OR51A4: variants seen among roughly 807,000 people sequenced by gnomAD.
OR51A4 encodes olfactory receptor family 51 subfamily A member 4.
For missense variants in OR51A4, 243 were observed against 364.0 expected (o/e 0.67, Z 2.70); for synonymous variants, 96 against 141.5 (o/e 0.68, Z 2.28).
Position 4,943,782 on chromosome 11 carries a change from C to T in OR51A4, c.*2377G>A, listed in dbSNP as rs1227147026. 1 of 407,844 alleles carries T rather than the reference C, an allele frequency of 2.5e-6. No individual in the cohort carries two copies. Among genetic ancestry groups the T allele is most frequent in the East Asian group, 7.2e-5 (1 of 13,880 alleles). 25.3% of individuals were successfully genotyped at this position (407,844 alleles called of 1,614,324 possible). On this transcript the variant is annotated 3_prime_UTR_variant, in exon 2 of 2. Coordinates refer to ENST00000641898, the MANE Select transcript of OR51A4 (RefSeq NM_001005329.2). ...TCAGAAATATGTGAAAATCATTATG[C>T]TGACCATAAATCTTCACCTCCCCCA... is the stretch of plus-strand genomic sequence containing the variant.
Position 4,946,078 on chromosome 11 carries a change from C to A in OR51A4, c.*81G>T. ...ACAACAAAAATATGTGTTGATAATTCTTGGTGTCAAATATTAGGTTTCTCA... is the reference window on the plus strand; with the variant it reads ...ACAACAAAAATATGTGTTGATAATTATTGGTGTCAAATATTAGGTTTCTCA... On this transcript the variant is annotated 3_prime_UTR_variant, in exon 2 of 2. Transcript: ENST00000641898. The A allele has an allele frequency of 8.0e-7, 1 of 1,245,714 alleles. No individual in the cohort carries two copies. The highest frequency in any genetic ancestry group is 1.2e-6 in the Non-Finnish European group (1 of 864,004). The allele number at this position is 1,245,714 out of a possible 1,614,324, so 77.2% of individuals were successfully genotyped here. A position where few individuals can be genotyped will look rare whatever the true frequency, so the allele number is the denominator to read the frequency against.
Position 4,944,622 on chromosome 11 carries a change from G to T in OR51A4, c.*1537C>A, listed in dbSNP as rs553554902. ...AAGTGTAGGAGACTTGAACTGACGT[G>T]GTTGATAAAAATGACTTGATTCAAT... On this transcript the variant is annotated 3_prime_UTR_variant, in exon 2 of 2. Transcript: ENST00000641898. 3.9e-5 allele frequency: 6 copies of T among 152,132 alleles called. No homozygotes were observed. Among genetic ancestry groups the T allele is most frequent in the African/African-American group, 1.4e-4 (6 of 41,504 alleles). The allele number at this position is 152,132 out of a possible 1,614,324, so 9.4% of individuals were successfully genotyped here. A position where few individuals can be genotyped will look rare whatever the true frequency, so the allele number is the denominator to read the frequency against.
In OR51A4 at chr11:4,943,683, C is replaced by CTGCCAGT. The variant is rs1846250544; in HGVS notation, c.*2469_*2475dup. On this transcript the variant is annotated 3_prime_UTR_variant, in exon 2 of 2. Coordinates refer to ENST00000641898, the MANE Select transcript of OR51A4 (RefSeq NM_001005329.2). ...CAAATGTCTCTTGGAGGTAACATTG[C>CTGCCAGT]TGCCAGTTGAGAACCACTGTTTAAG... The CTGCCAGT allele has an allele frequency of 2.8e-6, 1 of 354,756 alleles. No individual in the cohort carries two copies. The highest frequency in any genetic ancestry group is 2.2e-5 in the South Asian group (1 of 45,284). The allele number at this position is 354,756 out of a possible 1,614,324, so 22.0% of individuals were successfully genotyped here. A position where few individuals can be genotyped will look rare whatever the true frequency, so the allele number is the denominator to read the frequency against.
At position 4,944,009 on chromosome 11, in the gene OR51A4, G is replaced by T. The variant is rs2570581; in HGVS notation, c.*2150C>A. 353,271 of 419,130 alleles carry T rather than the reference G, an allele frequency of 0.84. 149,380 individuals are homozygous for T. The highest frequency in any genetic ancestry group is 0.9 in the Admixed American group (31,417 of 34,870). The allele number at this position is 419,130 out of a possible 1,614,324, so 26.0% of individuals were successfully genotyped here. The stretch of plus-strand genomic sequence containing the variant: ...AGTCTTCATATTGGGCTGCCTATCC[G>T]CACACTGGGAGAATATGAGCTTCTA... On this transcript the variant is annotated 3_prime_UTR_variant, in exon 2 of 2. Transcript: ENST00000641898.
rs1393492297 is a variant in OR51A4 at position 4,945,448 on chromosome 11, T to G, written c.*711A>C. On this transcript the variant is annotated 3_prime_UTR_variant, in exon 2 of 2. Transcript: ENST00000641898. The stretch of plus-strand genomic sequence containing the variant: ...CATGTAGGGTCTTAGAATATGTTCC[T>G]TATTGATTTAACTGTATTTCTAACA... 1.3e-5 allele frequency: 2 copies of G among 152,762 alleles called. No homozygotes were observed. Among genetic ancestry groups the G allele is most frequent in the East Asian group, 3.9e-4 (2 of 5,192 alleles). 9.5% of individuals were successfully genotyped at this position (152,762 alleles called of 1,614,324 possible).
chr11:4,944,197 T>C lies in OR51A4; in HGVS notation c.*1962A>G. On this transcript the variant is annotated 3_prime_UTR_variant, in exon 2 of 2. Transcript: ENST00000641898. The stretch of plus-strand genomic sequence containing the variant: ...GATCTGATGATAGGATTTTCTACAC[T>C]AGGATAGGTTTGTGAAAACATACGT... 1 of 417,768 alleles carries C rather than the reference T, an allele frequency of 2.4e-6. No individual in the cohort carries two copies. Among genetic ancestry groups the C allele is most frequent in the South Asian group, 1.7e-5 (1 of 57,310 alleles). The allele number at this position is 417,768 out of a possible 1,614,324, so 25.9% of individuals were successfully genotyped here. A position where few individuals can be genotyped will look rare whatever the true frequency, so the allele number is the denominator to read the frequency against.
rs1846324694 is a variant in OR51A4, at chr11:4,947,118, C to G, written c.-18G>C. 2 of 1,251,666 alleles carry G rather than the reference C, an allele frequency of 1.6e-6. No homozygotes were observed. The highest frequency in any genetic ancestry group is 2.5e-5 in the East Asian group (1 of 40,758). 77.5% of individuals were successfully genotyped at this position (1,251,666 alleles called of 1,614,324 possible). On this transcript the variant is annotated 5_prime_UTR_variant, in exon 2 of 2. Coordinates refer to ENST00000641898, the MANE Select transcript of OR51A4 (RefSeq NM_001005329.2). ...ATGGACATGATTCATTCATAGGGCT[C>G]TGCTATGAAAAATACAGATGCTTGT...
chr11:4,946,029 A>G lies in OR51A4; in HGVS notation c.*130T>C. 4 of 829,332 alleles carry G rather than the reference A, an allele frequency of 4.8e-6. No individual in the cohort carries two copies. Among genetic ancestry groups the G allele is most frequent in the Non-Finnish European group, 7.6e-6 (4 of 523,418 alleles). The allele number at this position is 829,332 out of a possible 1,614,324, so 51.4% of individuals were successfully genotyped here. On this transcript the variant is annotated 3_prime_UTR_variant, in exon 2 of 2. Transcript: ENST00000641898. ...TTCTATTCTCATTCGCAGTATCCAGAGTGAATAAAATAACTCTATGACAAC... is the reference window on the plus strand; with the variant it reads ...TTCTATTCTCATTCGCAGTATCCAGGGTGAATAAAATAACTCTATGACAAC...
rs1456055983 is a variant in OR51A4, at chr11:4,944,111, G to A, written c.*2048C>T. ...CCAAACCCATATCTGTATTTGTAAGGTTTTGGAAAAGGTAGATAGATACAG... is the reference window on the plus strand; with the variant it reads ...CCAAACCCATATCTGTATTTGTAAGATTTTGGAAAAGGTAGATAGATACAG... On this transcript the variant is annotated 3_prime_UTR_variant, in exon 2 of 2. Coordinates refer to ENST00000641898, the MANE Select transcript of OR51A4 (RefSeq NM_001005329.2). The A allele has an allele frequency of 2.2e-6, 1 of 455,516 alleles. No homozygotes were observed. Among genetic ancestry groups the A allele is most frequent in the Non-Finnish European group, 4.4e-6 (1 of 226,454 alleles). 28.2% of individuals were successfully genotyped at this position (455,516 alleles called of 1,614,324 possible). A position where few individuals can be genotyped will look rare whatever the true frequency, so the allele number is the denominator to read the frequency against.
chr11:4,945,305 T>A lies in OR51A4; in HGVS notation c.*854A>T, dbSNP rs990274580. The A allele has an allele frequency of 6.6e-6, 1 of 152,166 alleles. No homozygotes were observed. Among genetic ancestry groups the A allele is most frequent in the African/African-American group, 2.4e-5 (1 of 41,452 alleles). The allele number at this position is 152,166 out of a possible 1,614,324, so 9.4% of individuals were successfully genotyped here. A position where few individuals can be genotyped will look rare whatever the true frequency, so the allele number is the denominator to read the frequency against. On this transcript the variant is annotated 3_prime_UTR_variant, in exon 2 of 2. Transcript: ENST00000641898. ...CAAGAGCATTTTAACAAAAGAGATC[T>A]GATGTGAAAACTCAAGAAAGCAAAG... is the stretch of plus-strand genomic sequence containing the variant.
Position 4,943,329 on chromosome 11 carries a change from T to A in OR51A4, c.*2830A>T, listed in dbSNP as rs1846244280. On this transcript the variant is annotated 3_prime_UTR_variant, in exon 2 of 2. Coordinates refer to ENST00000641898, the MANE Select transcript of OR51A4 (RefSeq NM_001005329.2). ...AATAAGTCTTTTAACATCTCTCAAGTGAAGTCTTTCAGTTTTCTCAGTTTT... is the reference window on the plus strand; with the variant it reads ...AATAAGTCTTTTAACATCTCTCAAGAGAAGTCTTTCAGTTTTCTCAGTTTT... 3 of 337,182 alleles carry A rather than the reference T, an allele frequency of 8.9e-6. No homozygotes were observed. The Admixed American group carries it at 1.1e-4, about 12-fold the overall frequency. The allele number at this position is 337,182 out of a possible 1,614,324, so 20.9% of individuals were successfully genotyped here. A position where few individuals can be genotyped will look rare whatever the true frequency, so the allele number is the denominator to read the frequency against.
Position 4,947,298 on chromosome 11 carries a change from T to C in OR51A4, c.-62-136A>G, listed in dbSNP as rs2133608106. 5 of 396,758 alleles carry C rather than the reference T, an allele frequency of 1.3e-5. 1 individual carries two copies. The South Asian group carries it at 2.2e-4, about 18-fold the overall frequency. The allele number at this position is 396,758 out of a possible 1,614,324, so 24.6% of individuals were successfully genotyped here. On this transcript the variant is annotated intron_variant, in intron 1 of 1. Coordinates refer to ENST00000641898, the MANE Select transcript of OR51A4 (RefSeq NM_001005329.2). ...TGCTGCTTTGGACTATAATCTGTCG[T>C]ATAATACATTGGAAAAATTATTTCT...
chr11:4,944,710 A>G lies in OR51A4; in HGVS notation c.*1449T>C, dbSNP rs535524869. On this transcript the variant is annotated 3_prime_UTR_variant, in exon 2 of 2. Coordinates refer to ENST00000641898, the MANE Select transcript of OR51A4 (RefSeq NM_001005329.2). ...ATATGCAAGATTTTGAGGTCATATT[A>G]GGAAGGAAAGTTGGACAATTTTTCA... 1 of 152,296 alleles carries G rather than the reference A, an allele frequency of 6.6e-6. No individual in the cohort carries two copies. Among genetic ancestry groups the G allele is most frequent in the African/African-American group, 2.4e-5 (1 of 41,570 alleles). 9.4% of individuals were successfully genotyped at this position (152,296 alleles called of 1,614,324 possible).
Position 4,943,688 on chromosome 11 carries a change from A to G in OR51A4, c.*2471T>C. ...GTCTCTTGGAGGTAACATTGCTGCC[A>G]GTTGAGAACCACTGTTTAAGGAGCC... On this transcript the variant is annotated 3_prime_UTR_variant, in exon 2 of 2. Transcript: ENST00000641898. 1 of 354,448 alleles carries G rather than the reference A, an allele frequency of 2.8e-6. No individual in the cohort carries two copies. The highest frequency in any genetic ancestry group is 2.2e-5 in the South Asian group (1 of 45,256). 22.0% of individuals were successfully genotyped at this position (354,448 alleles called of 1,614,324 possible). A position where few individuals can be genotyped will look rare whatever the true frequency, so the allele number is the denominator to read the frequency against.
Position 4,946,640 on chromosome 11 carries a change from C to A in OR51A4, c.461G>T (p.Ser154Ile), listed in dbSNP as rs549000083. 2 of 1,583,932 alleles carry A rather than the reference C, an allele frequency of 1.3e-6. No individual in the cohort carries two copies. Among genetic ancestry groups the A allele is most frequent in the African/African-American group, 2.7e-5 (2 of 72,972 alleles). ...AQIGIVFSFKSMLLVLPFPFT... is the reference protein window; with the variant it reads ...AQIGIVFSFKIMLLVLPFPFT... ...AGGGAAGGGAAGAACCAGGAGCATG[C>A]TCTTAAAGGAGAATACTATCCCTAT... Residue 154 changes from serine (S) to isoleucine (I), a missense_variant, in exon 2 of 2, where the codon AGC (serine) becomes ATC (isoleucine). Ser to Ile is a moderately radical substitution (Grantham distance 142). Coordinates refer to ENST00000641898, the MANE Select transcript of OR51A4 (RefSeq NM_001005329.2).
Position 4,947,170 on chromosome 11 carries a change from T to C in OR51A4, c.-62-8A>G, listed in dbSNP as rs1281696337. The C allele has an allele frequency of 6.7e-6, 7 of 1,051,564 alleles. 1 individual carries two copies. In the African/African-American group the frequency reaches 1.2e-4, roughly 17 times the overall value. The allele number at this position is 1,051,564 out of a possible 1,614,324, so 65.1% of individuals were successfully genotyped here. ...TTGGTAAAATAGGAATATCTGTAAA[T>C]TTAGTAGAAAAAAAGCAGTGTTAAA... On this transcript the variant is annotated splice_region_variant and splice_polypyrimidine_tract_variant and intron_variant, in intron 1 of 1. Transcript: ENST00000641898.
At position 4,943,804 on chromosome 11, in the gene OR51A4, C is replaced by A. The variant is rs752791842; in HGVS notation, c.*2355G>T. The A allele has an allele frequency of 4.7e-6, 2 of 429,358 alleles. No individual in the cohort carries two copies. Among genetic ancestry groups the A allele is most frequent in the South Asian group, 1.7e-5 (1 of 58,446 alleles). The allele number at this position is 429,358 out of a possible 1,614,324, so 26.6% of individuals were successfully genotyped here. Reference sequence around the variant, plus strand: ...ATGCTGACCATAAATCTTCACCTCCCCCATTGAGATTTATGTATCTTTATT... The same window carrying A: ...ATGCTGACCATAAATCTTCACCTCCACCATTGAGATTTATGTATCTTTATT... On this transcript the variant is annotated 3_prime_UTR_variant, in exon 2 of 2. Coordinates refer to ENST00000641898, the MANE Select transcript of OR51A4 (RefSeq NM_001005329.2).
Position 4,946,059 on chromosome 11 carries a change from A to G in OR51A4, c.*100T>C. ...ATAAAATAACTCTATGACAACAACAAAAATATGTGTTGATAATTCTTGGTG... is the reference window on the plus strand; with the variant it reads ...ATAAAATAACTCTATGACAACAACAGAAATATGTGTTGATAATTCTTGGTG... On this transcript the variant is annotated 3_prime_UTR_variant, in exon 2 of 2. Coordinates refer to ENST00000641898, the MANE Select transcript of OR51A4 (RefSeq NM_001005329.2). The G allele has an allele frequency of 8.8e-7, 1 of 1,133,780 alleles. No homozygotes were observed. The allele number at this position is 1,133,780 out of a possible 1,614,324, so 70.2% of individuals were successfully genotyped here.
Position 4,946,234 on chromosome 11 carries a change from G to T in OR51A4, c.867C>A (p.Asn289Lys), listed in dbSNP as rs199749360. 3.9e-3 allele frequency: 6,255 copies of T among 1,609,032 alleles called. 497 individuals are homozygous for T. The Admixed American group carries it at 0.083, about 21-fold the overall frequency. ...NVLLLVPPLT[N>K]PIVYCVKTKQ... ...TAGTTTTTACACAATAAACAATTGG[G>T]TTCGTCAGTGGAGGTACAAGTAGGA... is the stretch of plus-strand genomic sequence containing the variant. Residue 289 changes from asparagine to lysine, a missense_variant, in exon 2 of 2, where the codon AAC becomes AAA. Physicochemically the swap from Asn to Lys is moderately conservative, Grantham distance 94 (BLOSUM62 0). Transcript: ENST00000641898.
Sources: gnomAD v4.1 joint callset for allele counts on GRCh38, gnomAD v4.1.1 for gene constraint, MANE v1.5 for transcripts, NCBI Gene and HGNC (gene_info 2026-07-23, HGNC 2026-07-21) for gene names.